The following SGCD variants were observed in gnomAD, a reference collection of about 807,000 sequenced individuals.
SGCD encodes sarcoglycan delta.
SGCD carries 18 observed loss-of-function variants against 36.6 expected under a neutral mutation model. The observed-to-expected ratio is 0.49, with a 90% CI of 0.34 to 0.73. The LOEUF is 0.73. Ranked by LOEUF, SGCD falls within the 30% of genes least tolerant of loss-of-function variation. SGCD has a pLI of 0.01. For missense variants in SGCD, 387 were observed against 346.7 expected (o/e 1.12, Z -0.92); for synonymous variants, 133 against 130.6 (o/e 1.02, Z -0.12).
At chr5:156,209,484 T>A (rs1173023210) in intron 3 of SGCD, among the ~76,000 whole-genome samples, 1 of 152,208 alleles carries the variant, frequency 6.6e-6, no homozygotes, top group East Asian at 1.9e-4. Flanking sequence ...CAGGCAAGCA[T>A]CTGCAGACAC....
At chr5:156,350,247 T>TATATATATATATATATATATA (rs1769170083) in intron 3 of SGCD, among the ~76,000 whole-genome samples, 2 of 95,782 alleles carry the variant, frequency 2.1e-5, no homozygotes, top group African/African-American at 3.3e-5. Context: ...GGAAAAAAAA[T>TATATATATATATATATATATA]TATATATATA....
chr5:156,691,253 A>G (rs922015883), intron 7 of SGCD, among the ~76,000 whole-genome samples: 1 of 148,736 alleles, frequency 6.7e-6, no homozygotes, highest in Non-Finnish European at 1.5e-5. Context: ...TCCATTATAG[A>G]CAAACTAGAA....
intron 1 of SGCD, among the ~76,000 whole-genome samples, chr5:156,070,873 A>T (rs4704964): frequency 0.14 from 21,469 of 151,972 alleles, 1,793 homozygotes; most frequent in Non-Finnish European, 0.19. Context: ...GGTGTATGTG[A>T]TGAGGAATTT....
At chr5:156,076,172 A>G (rs1397232386) in intron 1 of SGCD, among the ~76,000 whole-genome samples, 1 of 151,872 alleles carries the variant, frequency 6.6e-6, no homozygotes, top group Non-Finnish European at 1.5e-5. Flanking sequence ...ATTCTCTGCC[A>G]TTTCTGTTTT....
At chr5:156,079,750 C>T (rs1307925912) in intron 1 of SGCD, among the ~76,000 whole-genome samples, 1 of 152,216 alleles carries the variant, frequency 6.6e-6, no homozygotes, top group Non-Finnish European at 1.5e-5. Flanking sequence ...GGCAGCTCCA[C>T]ACCTATGCCT....
At chr5:156,119,564 A>G (rs1194793227) in intron 2 of SGCD, among the ~76,000 whole-genome samples, 5 of 152,084 alleles carry the variant, frequency 3.3e-5, no homozygotes, top group Admixed American at 3.3e-4. Context: ...TCCCAGTAGG[A>G]CCCAAATCTG....
At chr5:155,858,261 C>T in the SGCD span, among the ~76,000 whole-genome samples, 3 of 152,074 alleles carry the variant, frequency 2.0e-5, no homozygotes, top group African/African-American at 7.2e-5. Context: ...TTATTTTCAA[C>T]ATTTTGATAT....
chr5:156,405,650 A>C (rs1772364401), intron 3 of SGCD, among the ~76,000 whole-genome samples: 1 of 152,160 alleles, frequency 6.6e-6, no homozygotes, highest in African/African-American at 2.4e-5. Context: ...AAGGGTTTTG[A>C]GGTGTTTTCT....
the SGCD span, among the ~76,000 whole-genome samples, chr5:155,768,053 G>A: frequency 6.6e-6 from 1 of 151,986 alleles, no homozygotes. Context: ...AAATCTTCCA[G>A]GGTTTTACCA....
chr5:156,350,054 G>A (rs999159163), intron 3 of SGCD, among the ~76,000 whole-genome samples: 4 of 151,560 alleles, frequency 2.6e-5, no homozygotes, highest in East Asian at 3.9e-4. Flanking sequence ...GGCATATAGA[G>A]TGGTATAATG....
chr5:156,538,629 TA>T (rs932261195), intron 4 of SGCD, among the ~76,000 whole-genome samples: 23 of 151,908 alleles, frequency 1.5e-4, no homozygotes, highest in African/African-American at 4.6e-4. Flanking sequence ...ATATAACACT[TA>T]AAAAAAAGCC....
intron 1 of SGCD, among the ~76,000 whole-genome samples, chr5:155,870,801 G>T (rs1755616003): frequency 6.6e-6 from 1 of 152,086 alleles, no homozygotes; most frequent in Non-Finnish European, 1.5e-5. Flanking sequence ...AATGCTCTCA[G>T]GTTAACGTCT....
intron 3 of SGCD, among the ~76,000 whole-genome samples, chr5:156,177,054 T>C (rs1331377773): frequency 6.6e-6 from 1 of 152,168 alleles, no homozygotes; most frequent in East Asian, 1.9e-4. Context: ...CAGGCTGGAG[T>C]GAGGTGACGT....
chr5:155,958,261 T>C (rs1290821145), intron 1 of SGCD, among the ~76,000 whole-genome samples: 1 of 152,076 alleles, frequency 6.6e-6, no homozygotes, highest in Non-Finnish European at 1.5e-5. Context: ...CTTGTGATGG[T>C]TTCTGTTCTG....
chr5:156,183,106 C>G (rs1412509658), intron 3 of SGCD, among the ~76,000 whole-genome samples: 1 of 152,110 alleles, frequency 6.6e-6, no homozygotes, highest in Admixed American at 6.6e-5. Context: ...ACAGTGAAAT[C>G]CCATCTCTAC....
chr5:156,362,702 G>A (rs1769868102), intron 3 of SGCD, among the ~76,000 whole-genome samples: 1 of 152,060 alleles, frequency 6.6e-6, no homozygotes, highest in Non-Finnish European at 1.5e-5. Flanking sequence ...TGAACCTCGT[G>A]GCTAGTCTCT....
chr5:156,444,095 TCTCTCTCTCTCTCTCTCTCTCC>T (rs1279718900), intron 3 of SGCD, among the ~76,000 whole-genome samples: 8 of 118,802 alleles, frequency 6.7e-5, no homozygotes, highest in African/African-American at 3.0e-4. Context: ...TCTCTCTCTC[TCTCTCTCTCTCTCTCTCTCTCC>T]CCTTCCCTCT....
intron 3 of SGCD, among the ~76,000 whole-genome samples, chr5:156,348,423 A>C (rs1769058363): frequency 1.3e-5 from 2 of 152,208 alleles, no homozygotes; most frequent in South Asian, 4.1e-4. Context: ...AGGTTACAAA[A>C]TCAATGTACA....
intron 3 of SGCD, among the ~76,000 whole-genome samples, chr5:156,373,006 G>A (rs1770472766): frequency 6.6e-6 from 1 of 152,064 alleles, no homozygotes; most frequent in Non-Finnish European, 1.5e-5. Flanking sequence ...GAGAAATGTA[G>A]TGATTTGTGT....
Sources: gnomAD v4.1 joint callset for allele counts (sites outside exome capture counted in the v4.1 genomes callset) on GRCh38, gnomAD v4.1.1 for gene constraint, MANE v1.5 for transcripts, NCBI Gene and HGNC (gene_info 2026-07-23, HGNC 2026-07-21) for gene names.